The following MYCBPAP variants were observed in gnomAD, a reference collection of about 807,000 sequenced individuals.
MYCBPAP encodes MYCBP associated protein, also known as MYCBP-associated protein.
In MYCBPAP, 60 loss-of-function variants were observed where a neutral mutation model predicts 106.1. The ratio of observed to expected loss-of-function variants is 0.57; its 90% CI spans 0.46 to 0.70. The LOEUF (loss-of-function observed/expected upper bound fraction) is 0.70, where lower values mean the gene tolerates loss of function less well. MYCBPAP is among the 30% of genes least tolerant of loss of function. MYCBPAP has a pLI of 0.00. For synonymous variants in MYCBPAP, 407 were observed against 440.6 expected (o/e 0.92, Z 0.95); for missense variants, 1,064 against 1,169.3 (o/e 0.91, Z 1.31).
At chr17:50,517,967 C>G (rs2034114613) in intron 4 of MYCBPAP, among the ~76,000 whole-genome samples, 1 of 152,194 alleles carries the variant, frequency 6.6e-6, no homozygotes, top group Non-Finnish European at 1.5e-5. Flanking sequence ...TAGACTGCAC[C>G]CAAAAAGGCA....
chr17:50,518,233 T>G (rs1172421781), intron 4 of MYCBPAP, among the ~76,000 whole-genome samples: 1 of 152,236 alleles, frequency 6.6e-6, no homozygotes, highest in Non-Finnish European at 1.5e-5. Flanking sequence ...TGGGGCCCTG[T>G]AAGAATGCTT....
intron 1 of MYCBPAP, chr17:50,510,501 A>ATG (rs1567879205): frequency 2.0e-4 from 17 of 83,190 alleles, no homozygotes; most frequent in African/African-American, 9.4e-4. Flanking sequence ...GTGTGTGTGT[A>ATG]TATATATATA....
chr17:50,524,737 TGA>T (rs3840067), intron 12 of MYCBPAP, 138 bp from the exon 13 acceptor site: 4,015 of 452,980 alleles, frequency 8.9e-3, no homozygotes, highest in Admixed American at 0.013. Flanking sequence ...TGTGTGTGTG[TGA>T]GAGAGAGAGA....
At chr17:50,521,486 C>T (rs2034260611) in intron 9 of MYCBPAP, 55 bp downstream of exon 9, 2 of 1,339,958 alleles carry the variant, frequency 1.5e-6, no homozygotes, top group African/African-American at 1.5e-5. Context: ...CAGCACCTAC[C>T]AGTATTAAAG....
intron 7 of MYCBPAP, chr17:50,520,018 C>T (rs577750130): frequency 2.0e-5 from 10 of 492,740 alleles, no homozygotes; most frequent in East Asian, 1.0e-4. Flanking sequence ...ATAGAGCTGC[C>T]GTCCAGTGTG....
In MYCBPAP at chr17:50,522,051, C is replaced by G. The variant is rs2034278108; in HGVS notation, c.1227C>G (p.Cys409Trp). The change falls in exon 10 of 19, where the codon TGC becomes TGG. Residue 409 changes from cysteine to tryptophan, a missense_variant. Physicochemically the swap from Cys to Trp is radical, Grantham distance 215. Coordinates refer to ENST00000323776, the MANE Select transcript of MYCBPAP (RefSeq NM_032133.6). Reference protein sequence around the residue: ...PSLLFCGKPACWIRGSNPQDK... With the variant: ...PSLLFCGKPAWWIRGSNPQDK... ...TGCTGTTCTGTGGGAAGCCAGCTTGCTGGATCAGAGGCAGTAATCCACAGG... is the reference window on the plus strand; with the variant it reads ...TGCTGTTCTGTGGGAAGCCAGCTTGGTGGATCAGAGGCAGTAATCCACAGG... The G allele has an allele frequency of 6.2e-7, 1 of 1,613,846 alleles. No homozygotes were observed. The highest frequency in any genetic ancestry group is 1.7e-5 in the Admixed American group (1 of 60,014).
chr17:50,517,440 CTG>C lies in MYCBPAP; in HGVS notation c.353_354del (p.Leu118ArgfsTer7). ...PANPDEATKP[L>X]DYSGPGDSFD... ...GAATCCTGATGAAGCCACAAAGCCT[CTG>C]GACTACTCCGGTACACCCAGTCTCA... On this transcript the variant is annotated frameshift_variant, in exon 3 of 19. Transcript: ENST00000323776. LOFTEE classifies it high-confidence loss of function. The C allele has an allele frequency of 6.2e-7, 1 of 1,614,208 alleles. No homozygotes were observed. The highest frequency in any genetic ancestry group is 1.1e-5 in the South Asian group (1 of 91,082).
intron 10 of MYCBPAP, 139 bp from the exon 11 acceptor site, chr17:50,522,800 T>C (rs921062718): frequency 1.4e-6 from 1 of 693,190 alleles, no homozygotes; most frequent in Admixed American, 3.0e-5. Flanking sequence ...CCACTCTGTG[T>C]GACAGTGGCC....
rs143582348 is a variant in MYCBPAP at position 50,514,945 on chromosome 17, A to G, written c.77-1625A>G. On this transcript the variant is annotated intron_variant, in intron 1 of 18. Coordinates refer to ENST00000323776, the MANE Select transcript of MYCBPAP (RefSeq NM_032133.6). ...TCCATTCCTTGGCATGCCATTGCCC[A>G]TGGGGTAAGCCTTCACATGGCTCAC... 1,419 of 451,234 alleles carry G rather than the reference A, an allele frequency of 3.1e-3. 25 individuals are homozygous for G. The highest frequency in any genetic ancestry group is 0.026 in the African/African-American group (1,294 of 49,910). The allele number at this position is 451,234 out of a possible 1,614,324, so 28.0% of individuals were successfully genotyped here.
At chr17:50,527,457 T>A in intron 15 of MYCBPAP, 49 bp downstream of exon 15, 1 of 1,607,586 alleles carries the variant, frequency 6.2e-7, no homozygotes, top group Non-Finnish European at 8.5e-7. Flanking sequence ...CTTTGTGGCA[T>A]CTGCAGGGGT....
intron 10 of MYCBPAP, chr17:50,522,709 A>AAAAAAAATAAAAAAAATATATATATAT: frequency 4.0e-5 from 2 of 50,044 alleles, no homozygotes; most frequent in South Asian, 1.6e-3. Context: ...AAAAAAAAAA[A>AAAAAAAATAAAAAAAATATATATATAT]ATATATATAT....
At chr17:50,513,255 C>A (rs534559367) in intron 1 of MYCBPAP, among the ~76,000 whole-genome samples, 2 of 141,550 alleles carry the variant, frequency 1.4e-5, no homozygotes. Context: ...GGCATGGTGG[C>A]GCATGCCTGT....
intron 3 of MYCBPAP, 65 bp from the exon 4 acceptor site, chr17:50,517,529 GA>G (rs1302383354): frequency 2.5e-6 from 4 of 1,613,690 alleles, no homozygotes; most frequent in Admixed American, 1.7e-5. Context: ...GTCTCCATCA[GA>G]AAGTTGCCCT....
Position 50,523,094 on chromosome 17 carries a change from C to T in MYCBPAP, c.1413C>T (p.Asn471=), listed in dbSNP as rs1225519731. Residue 471 remains asparagine (N), a synonymous_variant, in exon 11 of 19, where the codon AAC becomes AAT. Coordinates refer to ENST00000323776, the MANE Select transcript of MYCBPAP (RefSeq NM_032133.6). The stretch of plus-strand genomic sequence containing the variant: ...ACACTTTCCAAGACCTTAAGAAAAA[C>T]AGGATGCAGCGATTTTACTTTGACA... ...QPDTFQDLKK[N]RMQRFYFDNR... 3 of 1,613,914 alleles carry T rather than the reference C, an allele frequency of 1.9e-6. No individual in the cohort carries two copies. Among genetic ancestry groups the T allele is most frequent in the Non-Finnish European group, 2.5e-6 (3 of 1,179,934 alleles).
intron 12 of MYCBPAP, among the ~76,000 whole-genome samples, chr17:50,524,365 G>A (rs532576087): frequency 6.6e-6 from 1 of 152,212 alleles, no homozygotes; most frequent in Admixed American, 6.5e-5. Flanking sequence ...TCACAAGGCC[G>A]GCTCCTTCAT....
In MYCBPAP at chr17:50,527,373, A is replaced by G; in HGVS notation, c.2256A>G (p.Pro752=). ...CAGCCCTGGAGCTGTGCCAGAAGCC[A>G]AGGCCATTGCAGTCCAACCTCCTGC... ...NKAALELCQK[P]RPLQSNLLHQ... is the part of the protein sequence containing the mutation. Residue 752 remains proline, a synonymous_variant, in exon 15 of 19, where the codon CCA becomes CCG. Transcript: ENST00000323776. 2 of 1,614,058 alleles carry G rather than the reference A, an allele frequency of 1.2e-6. No homozygotes were observed. Among genetic ancestry groups the G allele is most frequent in the Non-Finnish European group, 1.7e-6 (2 of 1,179,996 alleles).
At chr17:50,514,178 TG>T (rs2033960567) in intron 1 of MYCBPAP, among the ~76,000 whole-genome samples, 1 of 152,214 alleles carries the variant, frequency 6.6e-6, no homozygotes, top group African/African-American at 2.4e-5. Context: ...CGTAAGCCAC[TG>T]CACCTGGCCA....
At chr17:50,517,791 G>A (rs897125643) in intron 4 of MYCBPAP, 93 bp downstream of exon 4, 6 of 1,046,164 alleles carry the variant, frequency 5.7e-6, no homozygotes, top group African/African-American at 4.7e-5. Flanking sequence ...GGGTTAAAGA[G>A]ACAGTCTAGT....
At chr17:50,510,342 A>C (rs1257144659) in intron 1 of MYCBPAP, 3 of 151,762 alleles carry the variant, frequency 2.0e-5, no homozygotes, top group Non-Finnish European at 4.4e-5. Flanking sequence ...ACCTGTGAAT[A>C]GCCACTGCAT....
Sources: allele counts gnomAD v4.1 joint callset (sites outside exome capture counted in the v4.1 genomes callset), GRCh38; gene constraint gnomAD v4.1.1; transcripts MANE v1.5; gene names NCBI Gene and HGNC (gene_info 2026-07-23, HGNC 2026-07-21).